ASB3: variants seen among roughly 807,000 people sequenced by gnomAD.
ASB3 encodes the protein ankyrin repeat and SOCS box protein 3.
A neutral mutation model predicts 54.5 loss-of-function variants in ASB3; 41 were observed. The observed-to-expected ratio is 0.75, with a 90% CI of 0.59 to 0.98. The LOEUF (loss-of-function observed/expected upper bound fraction) is 0.98. Ranked by LOEUF, ASB3 falls within the 50% of genes least tolerant of loss-of-function variation. The pLI, the probability that ASB3 is intolerant of heterozygous loss-of-function variation, is 0.00. For missense variants in ASB3, 733 were observed against 620.0 expected, an observed-to-expected ratio of 1.18 and a Z score of -1.94; for synonymous variants, 266 against 221.2, an observed-to-expected ratio of 1.20 and a Z score of -1.80.
chr2:53,774,546 C>G lies in ASB3; in HGVS notation c.-13-8961G>C, dbSNP rs750316872. ...TATAATTTAGTCTTCAGAGAATTAACTTCAGTGCACAATGACAATATGATT... is the reference window on the plus strand; with the variant it reads ...TATAATTTAGTCTTCAGAGAATTAAGTTCAGTGCACAATGACAATATGATT... On this transcript the variant is annotated intron_variant, in intron 1 of 9. Transcript: ENST00000263634. 3.4e-6 allele frequency: 5 copies of G among 1,480,268 alleles called. No individual in the cohort carries two copies. In the Admixed American group the frequency reaches 1.2e-4, roughly 36 times the overall value. The allele number at this position is 1,480,268 out of a possible 1,614,324, so 91.7% of individuals were successfully genotyped here. A position where few individuals can be genotyped will look rare whatever the true frequency, so the allele number is the denominator to read the frequency against.
chr2:53,751,209 G>C (rs1408732690), intron 2 of ASB3, among the ~76,000 whole-genome samples: 1 of 152,138 alleles, frequency 6.6e-6, no homozygotes, highest in East Asian at 1.9e-4. Context: ...GGGAAGAGGA[G>C]TGGCAGAAAT....
intron 7 of ASB3, among the ~76,000 whole-genome samples, chr2:53,703,768 A>C (rs1415155319): frequency 6.6e-6 from 1 of 152,198 alleles, no homozygotes; most frequent in African/African-American, 2.4e-5. Flanking sequence ...GAAATACTAG[A>C]AAATATACAA....
At chr2:53,699,373 T>A (rs113033255) in intron 8 of ASB3, among the ~76,000 whole-genome samples, 1 of 152,134 alleles carries the variant, frequency 6.6e-6, no homozygotes, top group African/African-American at 2.4e-5. Flanking sequence ...TATGTTTTGG[T>A]TACAGAAATA....
rs189660694 is a variant in ASB3 at position 53,710,467 on chromosome 2, G to C, written c.980+3917C>G. Among the ~76,000 whole-genome samples the C allele has an allele frequency of 2.0e-5, 3 of 152,190 alleles. No individual in the cohort carries two copies. In the East Asian group the frequency reaches 5.8e-4, roughly 29 times the overall value. The stretch of plus-strand genomic sequence containing the variant: ...AATTATCTGATATTTCTAATATCTG[G>C]ACCATCTCAGGACTGGCATCTATTA... On this transcript the variant is annotated intron_variant, in intron 7 of 9. Coordinates refer to ENST00000263634, the MANE Select transcript of ASB3 (RefSeq NM_016115.5).
intron 9 of ASB3, among the ~76,000 whole-genome samples, chr2:53,680,853 C>G (rs1668332870): frequency 6.6e-6 from 1 of 151,854 alleles, no homozygotes; most frequent in Non-Finnish European, 1.5e-5. Context: ...ATTAACCATC[C>G]CCACCTCTCA....
intron 1 of ASB3, chr2:53,774,218 A>T: frequency 1.2e-6 from 2 of 1,613,890 alleles, no homozygotes; most frequent in South Asian, 2.2e-5. Flanking sequence ...GACTTCAGAG[A>T]AAAAGGAGGC....
At chr2:53,709,774 TG>T (rs1444375940) in intron 7 of ASB3, among the ~76,000 whole-genome samples, 1 of 152,156 alleles carries the variant, frequency 6.6e-6, no homozygotes, top group African/African-American at 2.4e-5. Context: ...TCCTCCTATT[TG>T]TGCTTTTGTA....
At chr2:53,774,154 G>A in intron 1 of ASB3, 2 of 1,607,470 alleles carry the variant, frequency 1.2e-6, no homozygotes, top group South Asian at 2.2e-5. Flanking sequence ...ATGTGTATGG[G>A]GTGTTGCTTA....
intron 9 of ASB3, among the ~76,000 whole-genome samples, chr2:53,688,631 T>A (rs774079266): frequency 2.6e-5 from 4 of 152,154 alleles, no homozygotes; most frequent in Non-Finnish European, 5.9e-5. Flanking sequence ...GGGATATAAG[T>A]AACTTCTCCA....
intron 7 of ASB3, among the ~76,000 whole-genome samples, chr2:53,714,164 T>C (rs1007480546): frequency 6.6e-6 from 1 of 152,144 alleles, no homozygotes; most frequent in Non-Finnish European, 1.5e-5. Context: ...ACTAAAAATA[T>C]AATCCAGATC....
intron 7 of ASB3, among the ~76,000 whole-genome samples, chr2:53,709,534 A>C (rs1388980834): frequency 6.6e-6 from 1 of 152,224 alleles, no homozygotes; most frequent in East Asian, 1.9e-4. Flanking sequence ...TAAGATGTTT[A>C]GATGAAGGCT....
chr2:53,726,798 G>C (rs894219814), intron 5 of ASB3, among the ~76,000 whole-genome samples: 1 of 151,892 alleles, frequency 6.6e-6, no homozygotes, highest in African/African-American at 2.4e-5. Flanking sequence ...ATGGGTTCAA[G>C]AGATTCTCCT....
chr2:53,707,252 G>A (rs1669830201), intron 7 of ASB3, among the ~76,000 whole-genome samples: 1 of 152,188 alleles, frequency 6.6e-6, no homozygotes, highest in African/African-American at 2.4e-5. Context: ...CATGTGGCTG[G>A]TGGCTACCAA....
intron 8 of ASB3, among the ~76,000 whole-genome samples, chr2:53,695,433 T>C (rs10198847): frequency 0.025 from 3,747 of 152,064 alleles, 139 homozygotes; most frequent in African/African-American, 0.084. Context: ...AGACAAACAA[T>C]TTCCTTGACT....
At chr2:53,680,584 T>C (rs1451288938) in intron 9 of ASB3, among the ~76,000 whole-genome samples, 1 of 152,182 alleles carries the variant, frequency 6.6e-6, no homozygotes, top group East Asian at 1.9e-4. Flanking sequence ...ACTTTTTTAT[T>C]TTTAAATTGT....
At chr2:53,752,098 C>A (rs1488742333) in intron 2 of ASB3, among the ~76,000 whole-genome samples, 1 of 152,160 alleles carries the variant, frequency 6.6e-6, no homozygotes, top group Non-Finnish European at 1.5e-5. Flanking sequence ...AGTAGATTGG[C>A]TCCTAAATGG....
chr2:53,755,003 T>A (rs1389956393), intron 2 of ASB3, among the ~76,000 whole-genome samples: 9 of 152,248 alleles, frequency 5.9e-5, no homozygotes, highest in Non-Finnish European at 1.2e-4. Flanking sequence ...GGGGTGCTTC[T>A]TGAAAAAGAA....
At chr2:53,717,996 TA>T (rs1231019939) in intron 5 of ASB3, among the ~76,000 whole-genome samples, 8 of 151,868 alleles carry the variant, frequency 5.3e-5, no homozygotes, top group Non-Finnish European at 1.0e-4. Context: ...AAAATAAAAA[TA>T]AAAAATTTTT....
intron 3 of ASB3, among the ~76,000 whole-genome samples, chr2:53,739,445 T>A (rs953247707): frequency 3.3e-5 from 5 of 152,234 alleles, no homozygotes. Context: ...ATAATGATCA[T>A]TGTTTAATAT....
Sources: allele counts gnomAD v4.1 joint callset (sites outside exome capture counted in the v4.1 genomes callset), GRCh38; gene constraint gnomAD v4.1.1; transcripts MANE v1.5; gene names NCBI Gene and HGNC (gene_info 2026-07-23, HGNC 2026-07-21).